The following DIP2C variants were observed in gnomAD, a reference collection of about 807,000 sequenced individuals.
The protein encoded by DIP2C is DIP2 acetate--CoA ligase C (putative).
DIP2C carries 33 observed loss-of-function variants against 192.4 expected under a neutral mutation model. The ratio of observed to expected loss-of-function variants is 0.17; its 90% CI spans 0.13 to 0.23. The LOEUF is 0.23. Ranked by LOEUF, DIP2C falls within the 10% of genes least tolerant of loss-of-function variation. DIP2C has a pLI of 1.00. For missense variants in DIP2C, 1,537 were observed against 2,110.1 expected, an observed-to-expected ratio of 0.73 and a Z score of 5.32; for synonymous variants, 979 against 864.1, an observed-to-expected ratio of 1.13 and a Z score of -2.33.
At chr10:661,701 C>T (rs1049666277) in intron 1 of DIP2C, among the ~76,000 whole-genome samples, 7 of 152,190 alleles carry the variant, frequency 4.6e-5, no homozygotes, top group Non-Finnish European at 8.8e-5. Flanking sequence ...TCCTCTCTCC[C>T]GACATGCACA....
intron 1 of DIP2C, among the ~76,000 whole-genome samples, chr10:580,231 A>G (rs532004394): frequency 1.7e-4 from 25 of 151,364 alleles, no homozygotes; most frequent in African/African-American, 5.1e-4. Context: ...ATGTCAGTAC[A>G]CTAACATATA....
intron 36 of DIP2C, among the ~76,000 whole-genome samples, chr10:280,155 G>A (rs1010814134): frequency 1.3e-5 from 2 of 152,154 alleles, no homozygotes; most frequent in East Asian, 1.9e-4. Flanking sequence ...TGAGCCACAC[G>A]AACACGGACA....
At chr10:545,655 TCA>T (rs1233197477) in intron 1 of DIP2C, among the ~76,000 whole-genome samples, 3 of 152,202 alleles carry the variant, frequency 2.0e-5, no homozygotes, top group Non-Finnish European at 4.4e-5. Context: ...TGTTTAAGCC[TCA>T]CAGTCTGCGG....
intron 16 of DIP2C, 24 bp downstream of exon 16, chr10:384,003 C>T (rs750979260): frequency 1.7e-5 from 26 of 1,500,856 alleles, no homozygotes; most frequent in Admixed American, 1.5e-4. Context: ...GCCTGCCTCA[C>T]GAGATCACAC....
intron 31 of DIP2C, among the ~76,000 whole-genome samples, chr10:326,261 G>A (rs1179263421): frequency 1.3e-5 from 2 of 152,144 alleles, no homozygotes; most frequent in African/African-American, 4.8e-5. Context: ...GGGAAGAGAG[G>A]AGGTTCCCTC....
chr10:619,454 G>T (rs192653460), intron 1 of DIP2C, among the ~76,000 whole-genome samples: 2 of 147,784 alleles, frequency 1.4e-5, no homozygotes, highest in African/African-American at 5.1e-5. Context: ...CAGAGCCCAC[G>T]GCAGCCCTGG....
intron 33 of DIP2C, among the ~76,000 whole-genome samples, chr10:286,582 C>T (rs1202728711): frequency 6.6e-6 from 1 of 152,114 alleles, no homozygotes; most frequent in Non-Finnish European, 1.5e-5. Context: ...TTATGGTGAC[C>T]TCAAAATTAA....
rs545098803 is a variant in DIP2C, at chr10:497,275, A to G, written c.86-10745T>C. Among the ~76,000 whole-genome samples, 56 of 152,318 alleles carry G rather than the reference A, an allele frequency of 3.7e-4. 1 individual carries two copies. Among genetic ancestry groups the G allele is most frequent in the Admixed American group, 3.6e-3 (55 of 15,308 alleles). On this transcript the variant is annotated intron_variant, in intron 1 of 36. Transcript: ENST00000280886. The stretch of plus-strand genomic sequence containing the variant: ...GGTTAGGCCATTCTTTTCTTTCTGA[A>G]TATTTTCACTTTTAGTTTGGCTGCA...
rs143143056 is a variant in DIP2C at position 539,076 on chromosome 10, C to T, written c.86-52546G>A. 6.0e-4 allele frequency among the ~76,000 whole-genome samples: 91 copies of T among 151,152 alleles called. 1 individual carries two copies. Among genetic ancestry groups the T allele is most frequent in the African/African-American group, 2.2e-3 (89 of 41,140 alleles). ...AGTTGTCTGTTCACGTCATTCCGTGCGTTTTGTGAATCTGCTATATGACCT... is the reference window on the plus strand; with the variant it reads ...AGTTGTCTGTTCACGTCATTCCGTGTGTTTTGTGAATCTGCTATATGACCT... On this transcript the variant is annotated intron_variant, in intron 1 of 36. Coordinates refer to ENST00000280886, the MANE Select transcript of DIP2C (RefSeq NM_014974.3).
chr10:355,643 C>T lies in DIP2C; in HGVS notation c.2985+783G>A, dbSNP rs1959045835. On this transcript the variant is annotated intron_variant, in intron 24 of 36. Coordinates refer to ENST00000280886, the MANE Select transcript of DIP2C (RefSeq NM_014974.3). ...ATAGTATTAGCTTGTTTATTTAATG[C>T]CTTACTCTTAAGTACTACGGTGGAA... Among the ~76,000 whole-genome samples the T allele has an allele frequency of 5.9e-5, 9 of 152,152 alleles. 1 individual carries two copies. Among genetic ancestry groups the T allele is most frequent in the Admixed American group, 5.9e-4 (9 of 15,276 alleles).
Position 440,897 on chromosome 10 carries a change from G to A in DIP2C, c.368C>T (p.Thr123Ile), listed in dbSNP as rs1222852807. The A allele has an allele frequency of 6.2e-7, 1 of 1,613,178 alleles. No homozygotes were observed. The highest frequency in any genetic ancestry group is 8.5e-7 in the Non-Finnish European group (1 of 1,179,972). Residue 123 changes from threonine to isoleucine, a missense_variant, in exon 4 of 37, where the codon ACC (threonine) becomes ATC (isoleucine). By Grantham distance (89) the Thr-to-Ile change is moderately conservative. Transcript: ENST00000280886. Reference sequence around the variant, plus strand: ...TGGAGGGGTGTAGGCGTCCATCGAGGTCTGCACGACCAGGGACCTGCGTTT... The same window carrying A: ...TGGAGGGGTGTAGGCGTCCATCGAGATCTGCACGACCAGGGACCTGCGTTT... ...PSKRRSLVVQ[T>I]SMDAYTPPDT...
At chr10:430,058 T>G (rs1966842834) in intron 4 of DIP2C, among the ~76,000 whole-genome samples, 1 of 152,218 alleles carries the variant, frequency 6.6e-6, no homozygotes, top group African/African-American at 2.4e-5. Context: ...GTGGTGTTGC[T>G]AGCATTCTGG....
chr10:517,093 A>T (rs1489207955), intron 1 of DIP2C, among the ~76,000 whole-genome samples: 1 of 151,810 alleles, frequency 6.6e-6, no homozygotes, highest in Non-Finnish European at 1.5e-5. Context: ...GACAGACTCC[A>T]TGGAAACACG....
intron 17 of DIP2C, among the ~76,000 whole-genome samples, chr10:380,702 C>T (rs1489676389): frequency 3.3e-5 from 5 of 152,214 alleles, no homozygotes; most frequent in Admixed American, 6.5e-5. Context: ...TTGGACGTGA[C>T]GACCTTTAAG....
At chr10:530,208 G>T (rs770073052) in intron 1 of DIP2C, among the ~76,000 whole-genome samples, 9 of 152,202 alleles carry the variant, frequency 5.9e-5, no homozygotes, top group Non-Finnish European at 1.3e-4. Context: ...CAGATCAAAG[G>T]GTGTCAGCAA....
chr10:477,047 T>C (rs776129493), intron 2 of DIP2C, among the ~76,000 whole-genome samples: 2 of 147,704 alleles, frequency 1.4e-5, no homozygotes, highest in Non-Finnish European at 3.0e-5. Flanking sequence ...ATTTTTACTT[T>C]CCTCTAGAAT....
chr10:468,215 TAAGTA>T (rs1209852467), intron 3 of DIP2C, among the ~76,000 whole-genome samples: 2 of 152,174 alleles, frequency 1.3e-5, no homozygotes, highest in African/African-American at 4.8e-5. Flanking sequence ...GCATATACTC[TAAGTA>T]AATTATAGTA....
intron 4 of DIP2C, among the ~76,000 whole-genome samples, chr10:432,383 A>G (rs749609010): frequency 2.6e-5 from 4 of 152,224 alleles, no homozygotes; most frequent in Non-Finnish European, 5.9e-5. Context: ...AGGCCTATAC[A>G]GATTGTTTCC....
intron 1 of DIP2C, among the ~76,000 whole-genome samples, chr10:673,982 C>T (rs1345710864): frequency 6.6e-6 from 1 of 152,200 alleles, no homozygotes. Context: ...GACGGTGAGT[C>T]CCTCACTTGT....
Sources: allele counts gnomAD v4.1 joint callset (sites outside exome capture counted in the v4.1 genomes callset), GRCh38; gene constraint gnomAD v4.1.1; transcripts MANE v1.5; gene names NCBI Gene and HGNC (gene_info 2026-07-23, HGNC 2026-07-21).